The following ZSCAN21 variants were observed in gnomAD, a reference collection of about 807,000 sequenced individuals.
The protein encoded by ZSCAN21 is zinc finger and SCAN domain containing 21.
In ZSCAN21, 26 loss-of-function variants were observed where a neutral mutation model predicts 35.6. The ratio of observed to expected loss-of-function variants is 0.73; its 90% confidence interval spans 0.54 to 1.01. ZSCAN21 has a LOEUF of 1.01. Ranked by LOEUF, ZSCAN21 falls within the 50% of genes least tolerant of loss-of-function variation. ZSCAN21 has a pLI of 0.00. For missense variants in ZSCAN21, 593 were observed against 587.1 expected (o/e 1.01, Z -0.10); for synonymous variants, 219 against 219.3 (o/e 1.00, Z 0.01).
Position 100,057,417 on chromosome 7 carries a change from A to T in ZSCAN21, c.399+12A>T. 1 of 1,525,246 alleles carries T rather than the reference A, an allele frequency of 6.6e-7. No homozygotes were observed. The highest frequency in any genetic ancestry group is 8.8e-7 in the Non-Finnish European group (1 of 1,140,396). 94.5% of individuals were successfully genotyped at this position (1,525,246 alleles called of 1,614,324 possible). On this transcript the variant is annotated intron_variant, in intron 2 of 3. Transcript: ENST00000292450. ...AGCCAGGACACCAGGTAGGCAGGAG[A>T]GACCTTTGTTATTCTAGGAGATTGG...
At chr7:100,058,250 C>T (rs765121667) in intron 3 of ZSCAN21, among the ~76,000 whole-genome samples, 2 of 152,200 alleles carry the variant, frequency 1.3e-5, no homozygotes, top group African/African-American at 4.8e-5. Flanking sequence ...AAAGCTGTTA[C>T]TCCCTGTGAG....
At chr7:100,052,451 A>T (rs565280850) in intron 1 of ZSCAN21, among the ~76,000 whole-genome samples, 15 of 147,350 alleles carry the variant, frequency 1.0e-4, no homozygotes, top group African/African-American at 3.5e-4. Flanking sequence ...AAATTAAATT[A>T]AAAAAAAAAA....
In ZSCAN21 at chr7:100,064,229, C is replaced by CAT; in HGVS notation, c.1035_1036insTA (p.Asp346Ter). On this transcript the variant is annotated frameshift_variant, in exon 4 of 4. Coordinates refer to ENST00000292450, the MANE Select transcript of ZSCAN21 (RefSeq NM_145914.3). LOFTEE classifies it high-confidence loss of function. The stretch of plus-strand genomic sequence containing the variant: ...TGTGGAAAAGCTTTTGGGCAGAGCT[C>CAT]AGACCTTCTTAAACATCAGAGAATG... The CAT allele has an allele frequency of 6.2e-7, 1 of 1,614,130 alleles. No homozygotes were observed. Among genetic ancestry groups the CAT allele is most frequent in the South Asian group, 1.1e-5 (1 of 91,072 alleles).
Position 100,064,339 on chromosome 7 carries a change from C to T in ZSCAN21, c.1144C>T (p.His382Tyr), listed in dbSNP as rs765932988. ...CAGCCTCATTCGTCACTATCGGATC[C>T]ACACTGGGGAGAAGCCTTATCAGTG... ...KGSLIRHYRI[H>Y]TGEKPYQCNE... Residue 382 changes from histidine to tyrosine, a missense_variant, in exon 4 of 4, where the codon CAC becomes TAC. Coordinates refer to ENST00000292450, the MANE Select transcript of ZSCAN21 (RefSeq NM_145914.3). 1.7e-5 allele frequency: 28 copies of T among 1,613,602 alleles called. No individual in the cohort carries two copies. The highest frequency in any genetic ancestry group is 2.4e-5 in the Non-Finnish European group (28 of 1,179,892).
In ZSCAN21 at chr7:100,064,008, C is replaced by T; in HGVS notation, c.813C>T (p.Thr271=). Residue 271 remains threonine, a synonymous_variant, in exon 4 of 4, where the codon ACC becomes ACT. Transcript: ENST00000292450. ...GAGAATCAGTTCCTACTAAACCTAC[C>T]CCAGGAGAGAGACGTTATATATGTG... The part of the protein sequence containing the change: ...KGRESVPTKP[T]PGERRYICAE... The T allele has an allele frequency of 8.7e-6, 14 of 1,614,132 alleles. No homozygotes were observed. Among genetic ancestry groups the T allele is most frequent in the Non-Finnish European group, 1.2e-5 (14 of 1,180,004 alleles).
In ZSCAN21 at chr7:100,064,760, C is replaced by G. The variant is rs145531972; in HGVS notation, c.*143C>G. ...AGGGGATGCCTGAGGAGTGCGAGCT[C>G]CACAGCAACATGGCAGGCAGGAGGT... is the stretch of plus-strand genomic sequence containing the variant. On this transcript the variant is annotated 3_prime_UTR_variant, in exon 4 of 4. Transcript: ENST00000292450. 608 of 1,614,070 alleles carry G rather than the reference C, an allele frequency of 3.8e-4. 7 individuals carry two copies. The East Asian group carries it at 0.012, about 32-fold the overall frequency.
chr7:100,064,592 A>G lies in ZSCAN21; in HGVS notation c.1397A>G (p.His466Arg), dbSNP rs200624313. 5 of 1,614,150 alleles carry G rather than the reference A, an allele frequency of 3.1e-6. No homozygotes were observed. The East Asian group carries it at 1.1e-4, about 36-fold the overall frequency. Residue 466 changes from histidine (H) to arginine (R), a missense_variant, in exon 4 of 4, where the codon CAC becomes CGC. Coordinates refer to ENST00000292450, the MANE Select transcript of ZSCAN21 (RefSeq NM_145914.3). Reference protein sequence around the residue: ...KSNLSKHQRVHTGEGEAP With the variant: ...KSNLSKHQRVRTGEGEAP ...AATCTTTCCAAACATCAGCGAGTCC[A>G]CACTGGAGAGGGAGAAGCACCGTAA...
chr7:100,064,133 C>T lies in ZSCAN21; in HGVS notation c.938C>T (p.Ala313Val). The T allele has an allele frequency of 6.2e-7, 1 of 1,614,020 alleles. No homozygotes were observed. Reference sequence around the variant, plus strand: ...TACGTGTGCACCAAGTGTGGGAAAGCTTTCAGCCACAGCTCAAACCTCACC... The same window carrying T: ...TACGTGTGCACCAAGTGTGGGAAAGTTTTCAGCCACAGCTCAAACCTCACC... ...KPYVCTKCGKAFSHSSNLTLH... is the reference protein window; with the variant it reads ...KPYVCTKCGKVFSHSSNLTLH... Residue 313 changes from alanine to valine, a missense_variant, in exon 4 of 4, where the codon GCT becomes GTT. By Grantham distance (64) the Ala-to-Val change is moderately conservative. Coordinates refer to ENST00000292450, the MANE Select transcript of ZSCAN21 (RefSeq NM_145914.3).
chr7:100,057,290 C>A lies in ZSCAN21; in HGVS notation c.284C>A (p.Thr95Asn). The change falls in exon 2 of 4, where the codon ACC becomes AAC. Residue 95 changes from threonine (T) to asparagine (N), a missense_variant. Coordinates refer to ENST00000292450, the MANE Select transcript of ZSCAN21 (RefSeq NM_145914.3). Reference sequence around the variant, plus strand: ...CTACTGGTGCTGGAGCAGTTCCTGACCATCCTGCCCCAGGAGCTCCAGGCC... The same window carrying A: ...CTACTGGTGCTGGAGCAGTTCCTGAACATCCTGCCCCAGGAGCTCCAGGCC... ...LELLVLEQFL[T>N]ILPQELQAWV... 6.2e-7 allele frequency: 1 copy of A among 1,613,624 alleles called. No homozygotes were observed. Among genetic ancestry groups the A allele is most frequent in the Non-Finnish European group, 8.5e-7 (1 of 1,179,856 alleles).
intron 3 of ZSCAN21, among the ~76,000 whole-genome samples, chr7:100,058,704 G>A (rs116590527): frequency 2.0e-5 from 3 of 152,178 alleles, no homozygotes; most frequent in Non-Finnish European, 2.9e-5. Flanking sequence ...CATCCCCTGT[G>A]GGGGTGTTTT....
Position 100,063,911 on chromosome 7 carries a change from G to C in ZSCAN21, c.716G>C (p.Arg239Thr). The change falls in exon 4 of 4, where the codon AGG becomes ACG. Residue 239 changes from arginine (R) to threonine (T), a missense_variant. Physicochemically the swap from Arg to Thr is moderately conservative, Grantham distance 71. Transcript: ENST00000292450. ...AATAAACCTGAGGCCAGCTTAGAGAGGCAGTGCGTAAACCTTGAAAATGAA... is the reference window on the plus strand; with the variant it reads ...AATAAACCTGAGGCCAGCTTAGAGACGCAGTGCGTAAACCTTGAAAATGAA... ...IANKPEASLE[R>T]QCVNLENEKG... The C allele has an allele frequency of 1.2e-6, 2 of 1,614,164 alleles. No individual in the cohort carries two copies. Among genetic ancestry groups the C allele is most frequent in the South Asian group, 1.1e-5 (1 of 91,088 alleles).
Position 100,057,492 on chromosome 7 carries a change from T to G in ZSCAN21, c.399+87T>G, listed in dbSNP as rs765010362. 21 of 1,471,498 alleles carry G rather than the reference T, an allele frequency of 1.4e-5. No homozygotes were observed. The East Asian group carries it at 2.1e-4, about 15-fold the overall frequency. 91.2% of individuals were successfully genotyped at this position (1,471,498 alleles called of 1,614,324 possible). On this transcript the variant is annotated intron_variant, in intron 2 of 3. Transcript: ENST00000292450. The stretch of plus-strand genomic sequence containing the variant: ...AAGGGTTTGTCCATACATTAAGATT[T>G]GCTGAATGGAAATTTCTGCTGAATT...
intron 1 of ZSCAN21, chr7:100,051,374 A>G: frequency 7.7e-6 from 1 of 129,588 alleles, no homozygotes; most frequent in East Asian, 2.6e-4. Context: ...GCTCACTGCA[A>G]GCTCCGCCTC....
In ZSCAN21 at chr7:100,064,528, T is replaced by A; in HGVS notation, c.1333T>A (p.Trp445Arg). The A allele has an allele frequency of 6.2e-7, 1 of 1,614,220 alleles. No homozygotes were observed. The highest frequency in any genetic ancestry group is 2.2e-5 in the East Asian group (1 of 44,892). Residue 445 changes from tryptophan to arginine, a missense_variant, in exon 4 of 4, where the codon TGG (tryptophan) becomes AGG (arginine). Physicochemically the swap from Trp to Arg is moderately radical, Grantham distance 101. Transcript: ENST00000292450. The stretch of plus-strand genomic sequence containing the variant: ...AATCCACACCGGGGAAAAGCCCTAC[T>A]GGTGTCATCACTGTGGAAAGACCTT... ...HRIHTGEKPY[W>R]CHHCGKTFCS...
chr7:100,051,081 G>A (rs1791844485), intron 1 of ZSCAN21, among the ~76,000 whole-genome samples: 1 of 147,482 alleles, frequency 6.8e-6, no homozygotes, highest in South Asian at 2.2e-4. Context: ...AGGAGGCTGA[G>A]GCAGGAGAAT....
At chr7:100,059,097 AT>A (rs771807132) in intron 3 of ZSCAN21, among the ~76,000 whole-genome samples, 1 of 152,158 alleles carries the variant, frequency 6.6e-6, no homozygotes, top group Non-Finnish European at 1.5e-5. Context: ...GTAGACCACT[AT>A]TTATGTGTGT....
chr7:100,063,435 T>TA (rs955947613), intron 3 of ZSCAN21, among the ~76,000 whole-genome samples: 41 of 150,470 alleles, frequency 2.7e-4, no homozygotes, highest in Middle Eastern at 3.4e-3. Context: ...CCATCTCTAC[T>TA]AAAAAAAAAT....
chr7:100,057,330 T>A lies in ZSCAN21; in HGVS notation c.324T>A (p.His108Gln). 1 of 1,609,070 alleles carries A rather than the reference T, an allele frequency of 6.2e-7. No individual in the cohort carries two copies. Among genetic ancestry groups the A allele is most frequent in the Non-Finnish European group, 8.5e-7 (1 of 1,177,918 alleles). The change falls in exon 2 of 4, where the codon CAT becomes CAA. Residue 108 changes from histidine to glutamine, a missense_variant. Physicochemically the swap from His to Gln is conservative, Grantham distance 24 (BLOSUM62 0). Coordinates refer to ENST00000292450, the MANE Select transcript of ZSCAN21 (RefSeq NM_145914.3). ...PQELQAWVQE[H>Q]CPESAEEAVT... ...AGCTCCAGGCCTGGGTGCAGGAGCA[T>A]TGCCCGGAGAGCGCTGAAGAGGCTG...
At chr7:100,055,043 C>T (rs1378261452) in intron 1 of ZSCAN21, among the ~76,000 whole-genome samples, 1 of 149,456 alleles carries the variant, frequency 6.7e-6, no homozygotes, top group African/African-American at 2.5e-5. Context: ...GCATCCTTCC[C>T]CTCCCAGGTT....
Sources: allele counts gnomAD v4.1 joint callset (sites outside exome capture counted in the v4.1 genomes callset), GRCh38; gene constraint gnomAD v4.1.1; transcripts MANE v1.5; gene names NCBI Gene and HGNC (gene_info 2026-07-23, HGNC 2026-07-21).